The following NUP50 variants were observed in gnomAD, a reference collection of about 807,000 sequenced individuals.
NUP50 encodes the protein nuclear pore complex protein Nup50.
NUP50 carries 14 observed loss-of-function variants against 36.8 expected under a neutral mutation model. The observed-to-expected ratio is 0.38, with a 90% CI of 0.25 to 0.59. The LOEUF (loss-of-function observed/expected upper bound fraction) is 0.59. NUP50 is among the 20% of genes least tolerant of loss of function. NUP50 has a pLI of 0.63. For synonymous variants in NUP50, 195 were observed against 210.8 expected (o/e 0.93, Z 0.65); for missense variants, 455 against 564.6 (o/e 0.81, Z 1.97).
chr22:45,171,765 G>T (rs1348210533), intron 3 of NUP50, 82 bp downstream of exon 3: 2 of 1,063,330 alleles, frequency 1.9e-6, no homozygotes, highest in Non-Finnish European at 2.9e-6. Context: ...TGGGAGCAAT[G>T]ATATCAACAA....
chr22:45,175,409 T>C (rs2074261424), intron 3 of NUP50, among the ~76,000 whole-genome samples: 1 of 152,250 alleles, frequency 6.6e-6, no homozygotes, highest in Admixed American at 6.5e-5. Flanking sequence ...TTTTGTAGGC[T>C]GAAAGCAGTT....
intron 1 of NUP50, among the ~76,000 whole-genome samples, chr22:45,165,316 G>T (rs772069167): frequency 6.6e-6 from 1 of 152,174 alleles, no homozygotes; most frequent in Non-Finnish European, 1.5e-5. Flanking sequence ...TCACTGTGTA[G>T]CCTGAAGCTC....
In NUP50 at chr22:45,178,612, C is replaced by G. The variant is rs776731431; in HGVS notation, c.715C>G (p.His239Asp). The G allele has an allele frequency of 2.4e-5, 38 of 1,611,860 alleles. No homozygotes were observed. Among genetic ancestry groups the G allele is most frequent in the Non-Finnish European group, 3.1e-5 (36 of 1,179,864 alleles). The part of the protein sequence containing the change: ...KLQQESTFLF[H>D]GNKTEDTPDK... ...ACAGCAAGAGTCAACGTTTTTGTTT[C>G]ATGGCAACAAAACTGAAGATACACC... Residue 239 changes from histidine (H) to aspartate (D), a missense_variant, in exon 5 of 8, where the codon CAT (histidine) becomes GAT (aspartate). Physicochemically the swap from His to Asp is moderately conservative, Grantham distance 81. Coordinates refer to ENST00000347635, the MANE Select transcript of NUP50 (RefSeq NM_007172.4).
intron 6 of NUP50, among the ~76,000 whole-genome samples, chr22:45,182,955 A>C (rs1046423372): frequency 6.8e-6 from 1 of 146,504 alleles, no homozygotes; most frequent in Non-Finnish European, 1.5e-5. Flanking sequence ...AATAGGCCAC[A>C]AAAAAAAAAG....
chr22:45,166,995 G>T (rs2074104755), intron 1 of NUP50, among the ~76,000 whole-genome samples: 1 of 152,160 alleles, frequency 6.6e-6, no homozygotes, highest in South Asian at 2.1e-4. Context: ...AATTGTAGAG[G>T]CCTTTGGAAT....
chr22:45,173,333 C>A (rs897581287), intron 3 of NUP50, among the ~76,000 whole-genome samples: 7 of 144,664 alleles, frequency 4.8e-5, no homozygotes, highest in Non-Finnish European at 1.0e-4. Context: ...TCTTGAACTT[C>A]AGGTGTTTTT....
intron 2 of NUP50, among the ~76,000 whole-genome samples, chr22:45,170,106 C>T (rs1320695688): frequency 6.6e-6 from 1 of 152,186 alleles, no homozygotes; most frequent in East Asian, 1.9e-4. Flanking sequence ...GGGAAGGGCC[C>T]CTGTCCCATG....
chr22:45,164,520 A>C (rs477067), intron 1 of NUP50: 104,053 of 151,186 alleles, frequency 0.69, 35,820 homozygotes, highest in East Asian at 0.86. Context: ...GAGGGGCTTA[A>C]GGGGCTGGAG....
In NUP50 at chr22:45,185,129, C is replaced by T. The variant is rs780052391; in HGVS notation, c.*474C>T. The T allele has an allele frequency of 5.4e-4, 96 of 176,800 alleles. 1 individual carries two copies. The highest frequency in any genetic ancestry group is 7.7e-4 in the Non-Finnish European group (63 of 82,300). The allele number at this position is 176,800 out of a possible 1,614,324, so 11.0% of individuals were successfully genotyped here. ...AGACTTGTTCTGTTACCAAATGAAC[C>T]GGGCTGCCACGCTGTGACAGGCGTT... On this transcript the variant is annotated 3_prime_UTR_variant, in exon 8 of 8. Coordinates refer to ENST00000347635, the MANE Select transcript of NUP50 (RefSeq NM_007172.4).
rs749577586 is a variant in NUP50 at position 45,184,530 on chromosome 22, T to G, written c.1282T>G (p.Cys428Gly). The G allele has an allele frequency of 1.2e-6, 2 of 1,613,594 alleles. No individual in the cohort carries two copies. Among genetic ancestry groups the G allele is most frequent in the Non-Finnish European group, 1.7e-6 (2 of 1,179,502 alleles). ...AGGGAAGAATAACGTTCTTATCGTC[T>G]GTGTTCCAAATCCACCAATTGACGA... ...RTGKNNVLIV[C>G]VPNPPIDEKN... Residue 428 changes from cysteine to glycine, a missense_variant, in exon 8 of 8, where the codon TGT (cysteine) becomes GGT (glycine). By Grantham distance (159) the Cys-to-Gly change is radical. Transcript: ENST00000347635.
chr22:45,182,516 G>A (rs1371710774), intron 6 of NUP50, among the ~76,000 whole-genome samples: 1 of 151,976 alleles, frequency 6.6e-6, no homozygotes, highest in African/African-American at 2.4e-5. Context: ...ACAGGAGGCT[G>A]GGAAGATATT....
intron 1 of NUP50, chr22:45,165,104 C>G (rs2074074627): frequency 6.6e-6 from 1 of 152,220 alleles, no homozygotes; most frequent in African/African-American, 2.4e-5. Context: ...TGCCAGAGAC[C>G]ACATAACTAT....
Position 45,185,535 on chromosome 22 carries a change from T to C in NUP50, c.*880T>C, listed in dbSNP as rs908543014. ...TGTACCATGATCAACCCCACGCACA[T>C]GAAAACTGTGACCAAGTGACGTGCC... On this transcript the variant is annotated 3_prime_UTR_variant, in exon 8 of 8. Coordinates refer to ENST00000347635, the MANE Select transcript of NUP50 (RefSeq NM_007172.4). The C allele has an allele frequency of 2.7e-4, 41 of 151,778 alleles. No individual in the cohort carries two copies. The highest frequency in any genetic ancestry group is 8.7e-4 in the African/African-American group (36 of 41,292). 9.4% of individuals were successfully genotyped at this position (151,778 alleles called of 1,614,324 possible). A position where few individuals can be genotyped will look rare whatever the true frequency, so the allele number is the denominator to read the frequency against.
intron 1 of NUP50, chr22:45,166,108 A>G (rs1355224821): frequency 2.0e-5 from 3 of 152,130 alleles, no homozygotes; most frequent in Admixed American, 2.0e-4. Flanking sequence ...TTGGTTATAT[A>G]CTGATTTGGT....
chr22:45,173,134 A>T (rs1193838865), intron 3 of NUP50, among the ~76,000 whole-genome samples: 1 of 152,246 alleles, frequency 6.6e-6, no homozygotes, highest in Non-Finnish European at 1.5e-5. Flanking sequence ...CCAAGAAAGG[A>T]AGTAGGTACA....
rs1431924882 is a variant in NUP50 at position 45,183,098 on chromosome 22, G to T, written c.1086-304G>T. Among the ~76,000 whole-genome samples the T allele has an allele frequency of 3.0e-3, 386 of 126,680 alleles. 8 individuals carry two copies. Among genetic ancestry groups the T allele is most frequent in the African/African-American group, 0.011 (363 of 33,356 alleles). 83.1% of individuals were successfully genotyped at this position (126,680 alleles called of 152,430 possible). ...AGGGGTTGGGGGCGGGGGGGGGGGG[G>T]GGTTGGTGTTGAGCCCTGATTTTGA... On this transcript the variant is annotated intron_variant, in intron 6 of 7. Coordinates refer to ENST00000347635, the MANE Select transcript of NUP50 (RefSeq NM_007172.4).
chr22:45,166,211 A>G (rs1228596503), intron 1 of NUP50: 4 of 149,750 alleles, frequency 2.7e-5, no homozygotes, highest in Non-Finnish European at 5.9e-5. Flanking sequence ...AGAAGTTACA[A>G]TTTTACTATT....
At chr22:45,171,804 T>G (rs1004958810) in intron 3 of NUP50, 121 bp downstream of exon 3, 1 of 796,112 alleles carries the variant, frequency 1.3e-6, no homozygotes, top group African/African-American at 1.7e-5. Flanking sequence ...TATTCTTTGA[T>G]GTAGGTCATG....
At chr22:45,175,860 C>G (rs1224752521) in intron 3 of NUP50, 34 bp from the exon 4 acceptor site, 3 of 1,608,224 alleles carry the variant, frequency 1.9e-6, no homozygotes, top group Non-Finnish European at 1.7e-6. Flanking sequence ...AGAAAGTACA[C>G]TTACCTAATG....
Sources: allele counts gnomAD v4.1 joint callset (sites outside exome capture counted in the v4.1 genomes callset), GRCh38; gene constraint gnomAD v4.1.1; transcripts MANE v1.5; gene names NCBI Gene and HGNC (gene_info 2026-07-23, HGNC 2026-07-21).